Variants in APP observed in about 807,000 individuals in gnomAD.
The protein encoded by APP is amyloid beta precursor protein.
Under a neutral mutation model 101.4 loss-of-function variants are expected in APP, and 31 were observed. The observed-to-expected ratio is 0.31, with a 90% CI of 0.23 to 0.41. APP has a LOEUF of 0.41. APP is among the 10% of genes least tolerant of loss of function. The probability of loss-of-function intolerance (pLI) is 1.00; values close to 1 mark genes in which losing one functional copy is unlikely to be tolerated. For synonymous variants in APP, 366 were observed against 364.4 expected (o/e 1.00, Z -0.05); for missense variants, 839 against 1,003.7 (o/e 0.84, Z 2.22).
intron 3 of APP, among the ~76,000 whole-genome samples, chr21:26,078,399 G>A (rs955306242): frequency 1.4e-4 from 22 of 152,080 alleles, no homozygotes; most frequent in Non-Finnish European, 2.4e-4. Flanking sequence ...AATTTATTAT[G>A]AGAAGTCTAT....
chr21:26,017,935 G>A (rs925359300), intron 6 of APP, among the ~76,000 whole-genome samples: 1 of 151,970 alleles, frequency 6.6e-6, no homozygotes, highest in East Asian at 1.9e-4. Flanking sequence ...TCTTGCAATC[G>A]TGTGCTCACT....
intron 5 of APP, among the ~76,000 whole-genome samples, chr21:26,026,672 C>A (rs190255518): frequency 6.6e-6 from 1 of 152,280 alleles, no homozygotes; most frequent in Admixed American, 6.5e-5. Flanking sequence ...AGTAACAGAT[C>A]AGTGGCTTGG....
chr21:26,142,159 C>G (rs557895280), intron 1 of APP, among the ~76,000 whole-genome samples: 1 of 152,158 alleles, frequency 6.6e-6, no homozygotes, highest in Admixed American at 6.5e-5. Flanking sequence ...TGGCAACATG[C>G]GGGGCAGTAT....
intron 1 of APP, 60 bp downstream of exon 1, chr21:26,170,502 CTT>C: frequency 6.6e-7 from 1 of 1,508,820 alleles, no homozygotes; most frequent in South Asian, 1.2e-5. Context: ...GGGTTAAGGT[CTT>C]GGGGGGTATC....
chr21:25,978,375 C>T (rs1171683623), intron 9 of APP, among the ~76,000 whole-genome samples: 1 of 152,178 alleles, frequency 6.6e-6, no homozygotes, highest in Non-Finnish European at 1.5e-5. Context: ...AAGAGCTTTA[C>T]AAAATCTATC....
chr21:26,033,410 GC>G (rs2044934729), intron 5 of APP, among the ~76,000 whole-genome samples: 1 of 152,204 alleles, frequency 6.6e-6, no homozygotes, highest in Non-Finnish European at 1.5e-5. Context: ...CCTCAGCCAT[GC>G]AGAACTGTGA....
intron 2 of APP, among the ~76,000 whole-genome samples, chr21:26,096,473 AT>A (rs531862644): frequency 0.15 from 72 of 468 alleles, no homozygotes; most frequent in African/African-American, 0.31. Flanking sequence ...CTGCAGCACC[AT>A]CCCCTATAGC....
At chr21:25,987,797 T>C (rs2042694266) in intron 8 of APP, among the ~76,000 whole-genome samples, 1 of 152,180 alleles carries the variant, frequency 6.6e-6, no homozygotes, top group African/African-American at 2.4e-5. Flanking sequence ...TTCATTCTTT[T>C]ATTCCTCCAG....
chr21:25,999,358 G>A (rs1013820339), intron 7 of APP, among the ~76,000 whole-genome samples: 3 of 152,106 alleles, frequency 2.0e-5, no homozygotes, highest in Non-Finnish European at 4.4e-5. Context: ...CTCACGTTAA[G>A]TCAAAAGTTT....
chr21:26,133,516 T>C (rs1306775593), intron 1 of APP, among the ~76,000 whole-genome samples: 1 of 152,150 alleles, frequency 6.6e-6, no homozygotes, highest in Non-Finnish European at 1.5e-5. Context: ...CCGGGCGCGG[T>C]GGCTCATGCC....
intron 16 of APP, among the ~76,000 whole-genome samples, chr21:25,892,957 A>AAAC (rs2037792713): frequency 2.0e-5 from 2 of 102,146 alleles, no homozygotes; most frequent in South Asian, 5.0e-4. Context: ...TTTAAAAAAA[A>AAAC]AAAACAAAAA....
At chr21:25,988,612 G>A (rs1316162798) in intron 8 of APP, among the ~76,000 whole-genome samples, 1 of 149,260 alleles carries the variant, frequency 6.7e-6, no homozygotes, top group African/African-American at 2.5e-5. Flanking sequence ...TGAGGCAGGA[G>A]AATTGCTTGA....
chr21:26,053,857 AAGAG>A (rs1156859055), intron 3 of APP, among the ~76,000 whole-genome samples: 16 of 152,118 alleles, frequency 1.1e-4, no homozygotes, highest in Admixed American at 2.6e-4. Flanking sequence ...TAACACACAT[AAGAG>A]AGAGAGAGTT....
At chr21:26,151,388 C>T (rs191808291) in intron 1 of APP, among the ~76,000 whole-genome samples, 1 of 152,338 alleles carries the variant, frequency 6.6e-6, no homozygotes, top group African/African-American at 2.4e-5. Context: ...CCTACACGAG[C>T]AATCACAGAA....
intron 1 of APP, among the ~76,000 whole-genome samples, chr21:26,113,405 G>A (rs2062370543): frequency 6.6e-6 from 1 of 152,044 alleles, no homozygotes; most frequent in Admixed American, 6.6e-5. Context: ...GATACCTCTG[G>A]CCATTTTAGT....
chr21:26,113,920 G>A (rs145921283), intron 1 of APP, among the ~76,000 whole-genome samples: 1 of 152,314 alleles, frequency 6.6e-6, no homozygotes, highest in East Asian at 1.9e-4. Flanking sequence ...TCAGATACCT[G>A]TGGATAAGGC....
Position 26,021,941 on chromosome 21 carries a change from T to TCCTCATCGTC in APP, c.763_764insGACGATGAGG (p.Glu255GlyfsTer3). On this transcript the variant is annotated stop_gained and frameshift_variant, in exon 6 of 18. Coordinates refer to ENST00000346798, the MANE Select transcript of APP (RefSeq NM_000484.4). LOFTEE classifies it high-confidence loss of function. ...TTCGTAGGGTTCCTCAGCCTCTTCC[T>TCCTCATCGTC]CTACCTCATCACCATCCTCATCGTC... The TCCTCATCGTC allele has an allele frequency of 6.2e-7, 1 of 1,613,610 alleles. No individual in the cohort carries two copies. The highest frequency in any genetic ancestry group is 8.5e-7 in the Non-Finnish European group (1 of 1,179,720).
At chr21:25,920,266 C>G (rs1236373328) in intron 13 of APP, among the ~76,000 whole-genome samples, 1 of 152,134 alleles carries the variant, frequency 6.6e-6, no homozygotes, top group Non-Finnish European at 1.5e-5. Context: ...CCAGCCGCTG[C>G]AAAATCATGC....
At position 25,974,692 on chromosome 21, in the gene APP, T is replaced by C. The variant is rs2242685; in HGVS notation, c.1458+378A>G. On this transcript the variant is annotated intron_variant, in intron 11 of 17. Transcript: ENST00000346798. ...TGTTGCTGATAAGGTACCCAGTCTA[T>C]GGTATTCTGTTACAGCAGCCTGAAG... 5.1e-3 allele frequency among the ~76,000 whole-genome samples: 770 copies of C among 152,298 alleles called. 2 individuals carry two copies. The highest frequency in any genetic ancestry group is 8.0e-3 in the Non-Finnish European group (544 of 68,016).
Sources: gnomAD v4.1 joint callset for allele counts (sites outside exome capture counted in the v4.1 genomes callset) on GRCh38, gnomAD v4.1.1 for gene constraint, MANE v1.5 for transcripts, NCBI Gene and HGNC (gene_info 2026-07-23, HGNC 2026-07-21) for gene names.